Variants in ADCY8 observed in about 807,000 individuals in gnomAD.
The protein encoded by ADCY8 is adenylate cyclase 8.
Under a neutral mutation model 119.7 loss-of-function variants are expected in ADCY8, and 51 were observed. That is an observed-to-expected ratio of 0.43 (90% CI 0.34 to 0.54). ADCY8 has a LOEUF of 0.54. Among genes scored for constraint, ADCY8 ranks in the 20% least tolerant of loss-of-function variants. ADCY8 has a pLI of 0.03. For missense variants in ADCY8, 1,383 were observed against 1,598.8 expected (o/e 0.87, Z 2.30); for synonymous variants, 665 against 651.0 (o/e 1.02, Z -0.33).
chr8:131,037,740 A>G (rs1824207155), intron 1 of ADCY8, among the ~76,000 whole-genome samples: 1 of 152,166 alleles, frequency 6.6e-6, no homozygotes, highest in African/African-American at 2.4e-5. Context: ...TAAAAAAGAG[A>G]ATGAGAGAGC....
chr8:130,780,315 A>G lies in ADCY8; in HGVS notation c.*75T>C, dbSNP rs1311472716. ...CGAAACCATCCTTGTTCTAAAAAAA[A>G]TTAAACCTTTTTATTAGTATATTTA... On this transcript the variant is annotated 3_prime_UTR_variant, in exon 18 of 18. Transcript: ENST00000286355. The G allele has an allele frequency of 3.5e-6, 4 of 1,137,796 alleles. No individual in the cohort carries two copies. In the East Asian group the frequency reaches 1.3e-4, roughly 37 times the overall value. 70.5% of individuals were successfully genotyped at this position (1,137,796 alleles called of 1,614,324 possible).
At chr8:130,915,373 A>G (rs2130565776) in intron 5 of ADCY8, among the ~76,000 whole-genome samples, 1 of 152,346 alleles carries the variant, frequency 6.6e-6, no homozygotes, top group Non-Finnish European at 1.5e-5. Flanking sequence ...CGCATAATTC[A>G]GTAGCAATCA....
At chr8:130,800,100 G>C (rs751145669) in intron 15 of ADCY8, among the ~76,000 whole-genome samples, 2 of 152,190 alleles carry the variant, frequency 1.3e-5, no homozygotes, top group Non-Finnish European at 2.9e-5. Flanking sequence ...TCCAGCCTCT[G>C]TGGTGTCAGT....
At chr8:131,039,303 C>T (rs917361719) in intron 1 of ADCY8, 71 bp downstream of exon 1, 26 of 1,567,184 alleles carry the variant, frequency 1.7e-5, no homozygotes, top group South Asian at 2.4e-5. Context: ...AACCCTGGCT[C>T]TCTGGAAGCT....
intron 1 of ADCY8, among the ~76,000 whole-genome samples, chr8:131,032,755 C>T (rs1157165036): frequency 6.6e-6 from 1 of 152,178 alleles, no homozygotes; most frequent in Non-Finnish European, 1.5e-5. Flanking sequence ...ATAAACAAAA[C>T]TCACATGATA....
intron 2 of ADCY8, among the ~76,000 whole-genome samples, chr8:130,968,602 C>T (rs1028001444): frequency 6.6e-6 from 1 of 152,110 alleles, no homozygotes; most frequent in African/African-American, 2.4e-5. Flanking sequence ...GGCTCTCCAC[C>T]CTACTCCAGT....
At chr8:130,881,968 A>G (rs2130451131) in intron 8 of ADCY8, among the ~76,000 whole-genome samples, 1 of 151,932 alleles carries the variant, frequency 6.6e-6, no homozygotes, top group Non-Finnish European at 1.5e-5. Context: ...ATACCAGGGT[A>G]TAGGCATATG....
intron 8 of ADCY8, among the ~76,000 whole-genome samples, chr8:130,876,752 T>C (rs72714411): frequency 0.13 from 19,085 of 151,892 alleles, 1,484 homozygotes; most frequent in African/African-American, 0.22. Flanking sequence ...AAAAGAAATG[T>C]TCATGGTTTT....
chr8:130,985,280 G>C (rs1167320379), intron 2 of ADCY8, among the ~76,000 whole-genome samples: 1 of 152,138 alleles, frequency 6.6e-6, no homozygotes, highest in African/African-American at 2.4e-5. Context: ...CTCTCATGGA[G>C]GTGACATTTG....
At chr8:131,004,538 G>A (rs1823055456) in intron 1 of ADCY8, among the ~76,000 whole-genome samples, 1 of 152,156 alleles carries the variant, frequency 6.6e-6, no homozygotes, top group South Asian at 2.1e-4. Context: ...GCCCTTAAAT[G>A]TTGGTGATCA....
At chr8:130,990,619 T>C (rs1822548698) in intron 1 of ADCY8, 77 bp from the exon 2 acceptor site, 2 of 1,546,538 alleles carry the variant, frequency 1.3e-6, no homozygotes, top group Admixed American at 1.8e-5. Flanking sequence ...CAAATAAATA[T>C]GAATTTCCAA....
intron 5 of ADCY8, among the ~76,000 whole-genome samples, chr8:130,927,689 AT>A (rs139791674): frequency 2.6e-4 from 39 of 148,162 alleles, no homozygotes; most frequent in African/African-American, 3.7e-4. Flanking sequence ...AATTCTAACC[AT>A]TTTTTTTTTG....
At chr8:131,005,300 A>G (rs1423776707) in intron 1 of ADCY8, among the ~76,000 whole-genome samples, 1 of 152,182 alleles carries the variant, frequency 6.6e-6, no homozygotes, top group Non-Finnish European at 1.5e-5. Context: ...TACACAGTAA[A>G]TATCCCAAAA....
At chr8:130,914,566 TG>T in intron 5 of ADCY8, among the ~76,000 whole-genome samples, 1 of 152,310 alleles carries the variant, frequency 6.6e-6, no homozygotes, top group East Asian at 1.9e-4. Context: ...TTACAGACAT[TG>T]ATACTCATTA....
intron 14 of ADCY8, among the ~76,000 whole-genome samples, chr8:130,812,236 C>T (rs1232734780): frequency 1.3e-5 from 2 of 151,948 alleles, no homozygotes; most frequent in Admixed American, 6.6e-5. Flanking sequence ...TCCAAAGGCT[C>T]CCATTGTATG....
chr8:130,898,495 T>C (rs1819484483), intron 7 of ADCY8, among the ~76,000 whole-genome samples: 1 of 151,406 alleles, frequency 6.6e-6, no homozygotes, highest in South Asian at 2.1e-4. Flanking sequence ...CAAATCAGTC[T>C]ATTGCATAGA....
intron 3 of ADCY8, among the ~76,000 whole-genome samples, chr8:130,950,455 G>A (rs562612862): frequency 4.6e-5 from 7 of 152,164 alleles, no homozygotes; most frequent in South Asian, 2.1e-4. Context: ...GCTGGTTTGG[G>A]GACAGGGAAT....
At chr8:131,015,186 A>G (rs1270081931) in intron 1 of ADCY8, among the ~76,000 whole-genome samples, 1 of 152,244 alleles carries the variant, frequency 6.6e-6, no homozygotes. Flanking sequence ...TCAGTCATCA[A>G]AATAGAAGAA....
intron 14 of ADCY8, among the ~76,000 whole-genome samples, chr8:130,801,820 C>T (rs150306121): frequency 7.8e-4 from 118 of 151,978 alleles, no homozygotes; most frequent in African/African-American, 2.8e-3. Context: ...ATTGATCACC[C>T]CAAGATCTTG....
Sources: allele counts gnomAD v4.1 joint callset (sites outside exome capture counted in the v4.1 genomes callset), GRCh38; gene constraint gnomAD v4.1.1; transcripts MANE v1.5; gene names NCBI Gene and HGNC (gene_info 2026-07-23, HGNC 2026-07-21).